Variants in ANO2 observed in about 807,000 individuals in gnomAD.
ANO2 encodes the protein anoctamin 2.
ANO2 carries 101 observed loss-of-function variants against 124.2 expected under a neutral mutation model. That is an observed-to-expected ratio of 0.81 (90% CI 0.69 to 0.96). ANO2 has a LOEUF of 0.96. Among genes scored for constraint, ANO2 ranks in the 40% least tolerant of loss-of-function variants. The pLI is 0.00. For synonymous variants in ANO2, 486 were observed against 482.5 expected (o/e 1.01, Z -0.09); for missense variants, 1,293 against 1,274.5 (o/e 1.01, Z -0.22).
At chr12:5,839,658 C>G (rs1954449071) in intron 4 of ANO2, 1 of 455,828 alleles carries the variant, frequency 2.2e-6, no homozygotes, top group Non-Finnish European at 4.4e-6. Flanking sequence ...TGGAGAAACA[C>G]AAGGATGATA....
intron 10 of ANO2, among the ~76,000 whole-genome samples, chr12:5,771,157 G>C (rs900756987): frequency 6.6e-6 from 1 of 152,164 alleles, no homozygotes; most frequent in Non-Finnish European, 1.5e-5. Context: ...GAATGTGCTT[G>C]GTGCATAGCA....
intron 1 of ANO2, among the ~76,000 whole-genome samples, chr12:5,924,988 T>G (rs188455024): frequency 1.3e-5 from 2 of 152,178 alleles, no homozygotes; most frequent in South Asian, 2.1e-4. Context: ...TCCTCCCTTG[T>G]GCCCAATCTC....
intron 2 of ANO2, 86 bp from the exon 3 acceptor site, chr12:5,921,452 G>A (rs1056347272): frequency 1.1e-5 from 15 of 1,363,276 alleles, no homozygotes; most frequent in Non-Finnish European, 1.5e-5. Context: ...TCTGGGCTCA[G>A]GGAAACGGAC....
intron 10 of ANO2, among the ~76,000 whole-genome samples, chr12:5,752,147 T>G (rs1951459278): frequency 6.6e-6 from 1 of 152,240 alleles, no homozygotes; most frequent in African/African-American, 2.4e-5. Context: ...GGCTTATACC[T>G]TCTGGCAATT....
chr12:5,931,234 A>G (rs1942361096), intron 1 of ANO2, among the ~76,000 whole-genome samples: 1 of 151,370 alleles, frequency 6.6e-6, no homozygotes, highest in Non-Finnish European at 1.5e-5. Context: ...ATCTCCCAAC[A>G]CTCATCCACT....
intron 19 of ANO2, among the ~76,000 whole-genome samples, chr12:5,609,499 A>C (rs74056038): frequency 0.26 from 39,703 of 152,020 alleles, 5,617 homozygotes; most frequent in African/African-American, 0.36. Flanking sequence ...AAATGATATT[A>C]TTTCCAGGTA....
chr12:5,645,627 G>A (rs748212452), intron 15 of ANO2, among the ~76,000 whole-genome samples: 4 of 152,174 alleles, frequency 2.6e-5, no homozygotes, highest in Non-Finnish European at 5.9e-5. Context: ...TAAGGTTGCT[G>A]TTTTAACCTG....
chr12:5,810,636 T>C (rs575429034), intron 7 of ANO2, among the ~76,000 whole-genome samples: 78 of 152,300 alleles, frequency 5.1e-4, no homozygotes, highest in African/African-American at 1.8e-3. Context: ...GAGGACATTT[T>C]CCTTTCCCTG....
chr12:5,728,684 A>G (rs1481854790), intron 14 of ANO2, among the ~76,000 whole-genome samples: 2 of 152,136 alleles, frequency 1.3e-5, no homozygotes, highest in Non-Finnish European at 2.9e-5. Flanking sequence ...GAATGGTCAA[A>G]ACAATTTTGA....
chr12:5,862,359 C>G lies in ANO2; in HGVS notation c.535-8218G>C, dbSNP rs1955295758. ...GGAAAAGACTTCACCTGGTTCCCAACCAACGACCAGGGACAACCCAGGGTC... is the reference window on the plus strand; with the variant it reads ...GGAAAAGACTTCACCTGGTTCCCAAGCAACGACCAGGGACAACCCAGGGTC... On this transcript the variant is annotated intron_variant, in intron 3 of 24. Coordinates refer to ENST00000682330, the MANE Select transcript of ANO2 (RefSeq NM_001364791.2). The surrounding 1 kb of genome is among the most constrained non-coding windows in gnomAD (Gnocchi z 4.0). Among the ~76,000 whole-genome samples, 1 of 152,176 alleles carries G rather than the reference C, an allele frequency of 6.6e-6. No individual in the cohort carries two copies. Among genetic ancestry groups the G allele is most frequent in the Non-Finnish European group, 1.5e-5 (1 of 68,022 alleles).
At chr12:5,776,512 T>C (rs1952237014) in intron 10 of ANO2, among the ~76,000 whole-genome samples, 1 of 152,206 alleles carries the variant, frequency 6.6e-6, no homozygotes, top group African/African-American at 2.4e-5. Flanking sequence ...AACAAATGAA[T>C]GTGTGACATG....
At chr12:5,932,917 C>A (rs1420633199) in intron 1 of ANO2, among the ~76,000 whole-genome samples, 1 of 152,126 alleles carries the variant, frequency 6.6e-6, no homozygotes, top group Non-Finnish European at 1.5e-5. Flanking sequence ...TAGGCATCTA[C>A]CAATGGGCAA....
chr12:5,886,197 A>G (rs1370046516), intron 3 of ANO2, among the ~76,000 whole-genome samples: 1 of 152,192 alleles, frequency 6.6e-6, no homozygotes, highest in Non-Finnish European at 1.5e-5. Flanking sequence ...TTAAAGCAGC[A>G]TGGTTCACAA....
intron 14 of ANO2, among the ~76,000 whole-genome samples, chr12:5,718,563 T>C (rs1950104715): frequency 6.6e-6 from 1 of 152,232 alleles, no homozygotes; most frequent in African/African-American, 2.4e-5. Context: ...AGCACATGTT[T>C]ATGCGAGGTA....
At chr12:5,781,795 A>G (rs1261165881) in intron 10 of ANO2, among the ~76,000 whole-genome samples, 2 of 152,222 alleles carry the variant, frequency 1.3e-5, no homozygotes, top group African/African-American at 4.8e-5. Context: ...CTGTAATTTA[A>G]TTCCACTGTG....
intron 14 of ANO2, among the ~76,000 whole-genome samples, chr12:5,685,200 T>C (rs1215889587): frequency 6.6e-6 from 1 of 152,150 alleles, no homozygotes; most frequent in African/African-American, 2.4e-5. Context: ...GCTCAGCCAC[T>C]TGGAGAAGGG....
In ANO2 at chr12:5,908,581, A is replaced by C. The variant is rs1242165938; in HGVS notation, c.534+12459T>G. 6.6e-6 allele frequency among the ~76,000 whole-genome samples: 1 copy of C among 152,188 alleles called. No homozygotes were observed. The highest frequency in any genetic ancestry group is 2.4e-5 in the African/African-American group (1 of 41,448). On this transcript the variant is annotated intron_variant, in intron 3 of 24. Transcript: ENST00000682330. This position sits in a 1 kb window ranked among gnomAD's most constrained non-coding sequence, Gnocchi z 4.7. ...GAATGGTAAACACATTCTGGGAGACATCAGAATGGACCCAGGGTTCCCTAG... is the reference window on the plus strand; with the variant it reads ...GAATGGTAAACACATTCTGGGAGACCTCAGAATGGACCCAGGGTTCCCTAG...
At chr12:5,687,856 G>A (rs550366497) in intron 14 of ANO2, among the ~76,000 whole-genome samples, 2 of 88,908 alleles carry the variant, frequency 2.2e-5, no homozygotes, top group East Asian at 7.4e-4. Flanking sequence ...AGCAAATACA[G>A]GACTGCCAAA....
chr12:5,604,180 G>A (rs1944095042), intron 19 of ANO2, among the ~76,000 whole-genome samples: 1 of 152,250 alleles, frequency 6.6e-6, no homozygotes, highest in South Asian at 2.1e-4. Flanking sequence ...GAAGGACAAT[G>A]AGGAATCAGC....
Sources: allele counts gnomAD v4.1 joint callset (sites outside exome capture counted in the v4.1 genomes callset), GRCh38; gene constraint gnomAD v4.1.1; non-coding constraint Gnocchi (gnomAD v3.1); transcripts MANE v1.5; gene names NCBI Gene and HGNC (gene_info 2026-07-23, HGNC 2026-07-21).